Variants in SMCR8 observed in about 807,000 individuals in gnomAD.
SMCR8 encodes the protein guanine nucleotide exchange protein SMCR8.
A neutral mutation model predicts 56.6 loss-of-function variants in SMCR8; 30 were observed. The observed-to-expected ratio is 0.53, with a 90% confidence interval of 0.40 to 0.72. SMCR8 has a LOEUF of 0.72. SMCR8 is among the 30% of genes least tolerant of loss of function. The pLI, the probability that SMCR8 is intolerant of heterozygous loss-of-function variation, is 0.00. For synonymous variants in SMCR8, 538 were observed against 456.0 expected, an observed-to-expected ratio of 1.18 and a Z score of -2.29; for missense variants, 1,198 against 1,157.0, an observed-to-expected ratio of 1.04 and a Z score of -0.51.
rs1982664426 is a variant in SMCR8, at chr17:18,326,639, C to T, written c.*3569C>T. On this transcript the variant is annotated 3_prime_UTR_variant, in exon 2 of 2. Transcript: ENST00000406438. ...CAAAGTATAGTAGATTTCAACCTCA[C>T]ACAAATGACAAGTCCCATTTTACAA... is the stretch of plus-strand genomic sequence containing the variant. 1 of 152,284 alleles carries T rather than the reference C, an allele frequency of 6.6e-6. No homozygotes were observed. Among genetic ancestry groups the T allele is most frequent in the South Asian group, 2.1e-4 (1 of 4,836 alleles). The allele number at this position is 152,284 out of a possible 1,614,324, so 9.4% of individuals were successfully genotyped here.
At position 18,315,660 on chromosome 17, in the gene SMCR8, CGGGT is replaced by C. The variant is rs1015539943; in HGVS notation, c.-129_-126del. The C allele has an allele frequency of 7.1e-6, 6 of 848,592 alleles. No homozygotes were observed. Among genetic ancestry groups the C allele is most frequent in the African/African-American group, 6.8e-5 (4 of 58,914 alleles). 52.6% of individuals were successfully genotyped at this position (848,592 alleles called of 1,614,324 possible). On this transcript the variant is annotated 5_prime_UTR_variant, in exon 1 of 2. Coordinates refer to ENST00000406438, the MANE Select transcript of SMCR8 (RefSeq NM_144775.3). ...GTGTGTGAGAAGCAGCCTAGGACCCCGGGTTCGGGGAGTCGCAAAGAAGGCCGTA... is the reference window on the plus strand; with the variant it reads ...GTGTGTGAGAAGCAGCCTAGGACCCCTCGGGGAGTCGCAAAGAAGGCCGTA...
At chr17:18,318,995 G>C (rs1431780687) in intron 1 of SMCR8, among the ~76,000 whole-genome samples, 1 of 152,206 alleles carries the variant, frequency 6.6e-6, no homozygotes, top group Non-Finnish European at 1.5e-5. Context: ...GGGCAGGTGT[G>C]GGGAGCCCTG....
In SMCR8 at chr17:18,316,324, G is replaced by A. The variant is rs1050200332; in HGVS notation, c.535G>A (p.Ala179Thr). The A allele has an allele frequency of 6.2e-7, 1 of 1,613,992 alleles. No individual in the cohort carries two copies. Among genetic ancestry groups the A allele is most frequent in the African/African-American group, 1.3e-5 (1 of 74,900 alleles). Residue 179 changes from alanine (A) to threonine (T), a missense_variant, in exon 1 of 2, where the codon GCT becomes ACT. Coordinates refer to ENST00000406438, the MANE Select transcript of SMCR8 (RefSeq NM_144775.3). ...GGAGCTTTCAGCCGAATTTTCCAGA[G>A]CTTCTGAGTGCTTGAAGACTGGCAA... is the stretch of plus-strand genomic sequence containing the variant. ...FQELSAEFSR[A>T]SECLKTGNRK...
In SMCR8 at chr17:18,326,818, G is replaced by C. The variant is rs1982671976; in HGVS notation, c.*3748G>C. On this transcript the variant is annotated 3_prime_UTR_variant, in exon 2 of 2. Coordinates refer to ENST00000406438, the MANE Select transcript of SMCR8 (RefSeq NM_144775.3). Reference sequence around the variant, plus strand: ...CGCCCAGGCCCAGCACTGCTTGTTGGGTCAGCATCTAGTGCTGCTGTCACA... The same window carrying C: ...CGCCCAGGCCCAGCACTGCTTGTTGCGTCAGCATCTAGTGCTGCTGTCACA... 6.6e-6 allele frequency: 1 copy of C among 152,432 alleles called. No individual in the cohort carries two copies. Among genetic ancestry groups the C allele is most frequent in the African/African-American group, 2.4e-5 (1 of 41,472 alleles). 9.4% of individuals were successfully genotyped at this position (152,432 alleles called of 1,614,324 possible). A position where few individuals can be genotyped will look rare whatever the true frequency, so the allele number is the denominator to read the frequency against.
Position 18,315,603 on chromosome 17 carries a change from T to A in SMCR8, c.-187T>A. The A allele has an allele frequency of 1.7e-6, 1 of 580,648 alleles. No homozygotes were observed. Among genetic ancestry groups the A allele is most frequent in the Non-Finnish European group, 3.0e-6 (1 of 329,524 alleles). The allele number at this position is 580,648 out of a possible 1,614,324, so 36.0% of individuals were successfully genotyped here. A position where few individuals can be genotyped will look rare whatever the true frequency, so the allele number is the denominator to read the frequency against. On this transcript the variant is annotated 5_prime_UTR_variant, in exon 1 of 2. Coordinates refer to ENST00000406438, the MANE Select transcript of SMCR8 (RefSeq NM_144775.3). ...CAGAGAGCTCCGGAGGAGCTACAAC[T>A]GTGAGGGGGCTGCTAGAGTTCTTCT... is the stretch of plus-strand genomic sequence containing the variant.
Position 18,316,935 on chromosome 17 carries a change from G to A in SMCR8, c.1146G>A (p.Met382Ile). ...ACTTTGTGGAGGTCGATGACAGGAT[G>A]GTGGAGAAACAAGAAAGCATACCCT... is the stretch of plus-strand genomic sequence containing the variant. ...FEDFVEVDDRMVEKQESIPSK... is the reference protein window; with the variant it reads ...FEDFVEVDDRIVEKQESIPSK... The change falls in exon 1 of 2, where the codon ATG becomes ATA. Residue 382 changes from methionine to isoleucine, a missense_variant. Physicochemically the swap from Met to Ile is conservative, Grantham distance 10 (BLOSUM62 1). Transcript: ENST00000406438. The A allele has an allele frequency of 1.9e-6, 3 of 1,614,206 alleles. No individual in the cohort carries two copies. The highest frequency in any genetic ancestry group is 2.2e-5 in the South Asian group (2 of 91,090).
In SMCR8 at chr17:18,327,051, A is replaced by G. The variant is rs1361679629; in HGVS notation, c.*3981A>G. On this transcript the variant is annotated 3_prime_UTR_variant, in exon 2 of 2. Coordinates refer to ENST00000406438, the MANE Select transcript of SMCR8 (RefSeq NM_144775.3). Reference sequence around the variant, plus strand: ...TGCCCCAAAACTGTGATGGAACATAATAAAACTGGAGATATGGTTTTTAAC... The same window carrying G: ...TGCCCCAAAACTGTGATGGAACATAGTAAAACTGGAGATATGGTTTTTAAC... 1 of 152,550 alleles carries G rather than the reference A, an allele frequency of 6.6e-6. No homozygotes were observed. Among genetic ancestry groups the G allele is most frequent in the Non-Finnish European group, 1.5e-5 (1 of 68,048 alleles). 9.4% of individuals were successfully genotyped at this position (152,550 alleles called of 1,614,324 possible).
chr17:18,317,829 T>C lies in SMCR8; in HGVS notation c.2040T>C (p.Ser680=). ...NYSDTTSYVS[S]VASTSSDRIP... ...CAGACACCACCAGCTACGTGAGCAGTGTAGCGTCCACCAGCTCAGACAGGA... is the reference window on the plus strand; with the variant it reads ...CAGACACCACCAGCTACGTGAGCAGCGTAGCGTCCACCAGCTCAGACAGGA... Residue 680 remains serine (S), a synonymous_variant, in exon 1 of 2, where the codon AGT becomes AGC. Coordinates refer to ENST00000406438, the MANE Select transcript of SMCR8 (RefSeq NM_144775.3). 1 of 1,614,090 alleles carries C rather than the reference T, an allele frequency of 6.2e-7. No individual in the cohort carries two copies. The highest frequency in any genetic ancestry group is 8.5e-7 in the Non-Finnish European group (1 of 1,179,978).
chr17:18,318,465 G>T (rs183989260), intron 1 of SMCR8, among the ~76,000 whole-genome samples: 135 of 152,196 alleles, frequency 8.9e-4, no homozygotes, highest in African/African-American at 3.2e-3. Context: ...GTGCAATGGC[G>T]CGATCTTGGC....
At chr17:18,318,339 C>T (rs1217954404) in intron 1 of SMCR8, among the ~76,000 whole-genome samples, 190 bp downstream of exon 1, 2 of 152,160 alleles carry the variant, frequency 1.3e-5, no homozygotes, top group Non-Finnish European at 2.9e-5. Flanking sequence ...GTTGCAGTTC[C>T]TAGGTGGTTG....
At chr17:18,319,576 C>T (rs768159202) in intron 1 of SMCR8, among the ~76,000 whole-genome samples, 6 of 152,184 alleles carry the variant, frequency 3.9e-5, no homozygotes, top group South Asian at 2.1e-4. Flanking sequence ...CTCTCACCTC[C>T]GAACACCAGT....
rs779480053 is a variant in SMCR8 at position 18,316,626 on chromosome 17, C to T, written c.837C>T (p.Ser279=). 1.9e-6 allele frequency: 3 copies of T among 1,614,052 alleles called. No homozygotes were observed. Among genetic ancestry groups the T allele is most frequent in the Non-Finnish European group, 1.7e-6 (2 of 1,180,044 alleles). ...TGGAGCACATCCAGGATCAGGCCAGCCAGGCATCCACTACCTCTAACCCTG... is the reference window on the plus strand; with the variant it reads ...TGGAGCACATCCAGGATCAGGCCAGTCAGGCATCCACTACCTCTAACCCTG... The part of the protein sequence containing the change: ...GEMEHIQDQA[S]QASTTSNPDE... Residue 279 remains serine (S), a synonymous_variant, in exon 1 of 2, where the codon AGC becomes AGT. Coordinates refer to ENST00000406438, the MANE Select transcript of SMCR8 (RefSeq NM_144775.3).
Position 18,317,959 on chromosome 17 carries a change from A to G in SMCR8, c.2170A>G (p.Ile724Val). 6.2e-7 allele frequency: 1 copy of G among 1,614,202 alleles called. No homozygotes were observed. The highest frequency in any genetic ancestry group is 8.5e-7 in the Non-Finnish European group (1 of 1,180,032). ...IRQYPFAHPA[I>V]YSLLSGRTLV... ...CCAGTACCCCTTTGCCCACCCAGCC[A>G]TCTACTCCCTGCTCAGTGGGAGGAC... The change falls in exon 1 of 2, where the codon ATC (isoleucine) becomes GTC (valine). Residue 724 changes from isoleucine to valine, a missense_variant. Coordinates refer to ENST00000406438, the MANE Select transcript of SMCR8 (RefSeq NM_144775.3).
At position 18,317,721 on chromosome 17, in the gene SMCR8, T is replaced by G; in HGVS notation, c.1932T>G (p.Cys644Trp). 1 of 1,614,128 alleles carries G rather than the reference T, an allele frequency of 6.2e-7. No homozygotes were observed. Among genetic ancestry groups the G allele is most frequent in the Non-Finnish European group, 8.5e-7 (1 of 1,180,030 alleles). The change falls in exon 1 of 2, where the codon TGT (cysteine) becomes TGG (tryptophan). Residue 644 changes from cysteine to tryptophan, a missense_variant. Cys to Trp is a radical substitution (Grantham distance 215). Coordinates refer to ENST00000406438, the MANE Select transcript of SMCR8 (RefSeq NM_144775.3). ...ACCCTTCTTCCCGAGACAACAGTTGTGAAGGGTTTCCCGCTTATGAGCTGG... is the reference window on the plus strand; with the variant it reads ...ACCCTTCTTCCCGAGACAACAGTTGGGAAGGGTTTCCCGCTTATGAGCTGG... ...NANPSSRDNSCEGFPAYELDP... is the reference protein window; with the variant it reads ...NANPSSRDNSWEGFPAYELDP...
chr17:18,316,765 T>A lies in SMCR8; in HGVS notation c.976T>A (p.Cys326Ser). 6.2e-7 allele frequency: 1 copy of A among 1,614,256 alleles called. No homozygotes were observed. Among genetic ancestry groups the A allele is most frequent in the East Asian group, 2.2e-5 (1 of 44,894 alleles). Residue 326 changes from cysteine (C) to serine (S), a missense_variant, in exon 1 of 2, where the codon TGT becomes AGT. Cys to Ser is a moderately radical substitution (Grantham distance 112). Transcript: ENST00000406438. The part of the protein sequence containing the change: ...DKKLKTLEEL[C>S]DTEYFTQTLA... Reference sequence around the variant, plus strand: ...GAAGTTGAAGACCTTGGAGGAGCTCTGTGACACTGAATATTTCACCCAGAC... The same window carrying A: ...GAAGTTGAAGACCTTGGAGGAGCTCAGTGACACTGAATATTTCACCCAGAC...
rs1220240230 is a variant in SMCR8, at chr17:18,322,888, G to C, written c.2632G>C (p.Glu878Gln). Residue 878 changes from glutamate to glutamine, a missense_variant, in exon 2 of 2, where the codon GAG becomes CAG. Physicochemically the swap from Glu to Gln is conservative, Grantham distance 29. Transcript: ENST00000406438. ...HLPTHDKETE[E>Q]LVASRQMSFL... The stretch of plus-strand genomic sequence containing the variant: ...GCCTACCCACGACAAGGAGACAGAG[G>C]AGCTGGTAGCCAGCCGCCAGATGAG... The C allele has an allele frequency of 6.2e-7, 1 of 1,614,166 alleles. No homozygotes were observed. Among genetic ancestry groups the C allele is most frequent in the Non-Finnish European group, 8.5e-7 (1 of 1,180,010 alleles).
rs746082966 is a variant in SMCR8, at chr17:18,317,442, T to C, written c.1653T>C (p.Asn551=). 1.2e-6 allele frequency: 2 copies of C among 1,614,054 alleles called. No homozygotes were observed. Among genetic ancestry groups the C allele is most frequent in the Non-Finnish European group, 1.7e-6 (2 of 1,180,026 alleles). ...INEEESYPDG[N]EGAIRFQASI... is the part of the protein sequence containing the mutation. ...AAGAAGAATCATATCCAGATGGCAA[T>C]GAAGGAGCCATCCGCTTCCAGGCAA... Residue 551 remains asparagine (N), a synonymous_variant, in exon 1 of 2, where the codon AAT becomes AAC. Transcript: ENST00000406438.
At position 18,322,815 on chromosome 17, in the gene SMCR8, G is replaced by C; in HGVS notation, c.2559G>C (p.Gln853His). ...YYLHVQSMLT[Q>H]LCSKAFLYTF... The stretch of plus-strand genomic sequence containing the variant: ...TGCATGTCCAGAGCATGCTCACCCA[G>C]CTCTGCTCCAAGGCCTTCCTCTACA... The change falls in exon 2 of 2, where the codon CAG becomes CAC. Residue 853 changes from glutamine (Q) to histidine (H), a missense_variant. Transcript: ENST00000406438. 1 of 1,614,032 alleles carries C rather than the reference G, an allele frequency of 6.2e-7. No individual in the cohort carries two copies. Among genetic ancestry groups the C allele is most frequent in the East Asian group, 2.2e-5 (1 of 44,880 alleles).
In SMCR8 at chr17:18,317,696, A is replaced by G. The variant is rs12449313; in HGVS notation, c.1907A>G (p.Asn636Ser). 0.24 allele frequency: 381,877 copies of G among 1,613,822 alleles called. 46,015 individuals carry two copies. The highest frequency in any genetic ancestry group is 0.28 in the Middle Eastern group (1,689 of 6,060). The stretch of plus-strand genomic sequence containing the variant: ...GTAGACTTTTCAGTGGAAAATGCCA[A>G]CCCTTCTTCCCGAGACAACAGTTGT... ...FRVDFSVENA[N>S]PSSRDNSCEG... is the part of the protein sequence containing the mutation. The change falls in exon 1 of 2, where the codon AAC (asparagine) becomes AGC (serine). Residue 636 changes from asparagine (N) to serine (S), a missense_variant. Physicochemically the swap from Asn to Ser is conservative, Grantham distance 46. Coordinates refer to ENST00000406438, the MANE Select transcript of SMCR8 (RefSeq NM_144775.3).
Sources: gnomAD v4.1 joint callset for allele counts (sites outside exome capture counted in the v4.1 genomes callset) on GRCh38, gnomAD v4.1.1 for gene constraint, MANE v1.5 for transcripts, NCBI Gene and HGNC (gene_info 2026-07-23, HGNC 2026-07-21) for gene names.